Variants in DAP observed in about 807,000 individuals in gnomAD.
The protein encoded by DAP is death-associated protein 1.
A neutral mutation model predicts 13.8 loss-of-function variants in DAP; 8 were observed. The ratio of observed to expected loss-of-function variants is 0.58; its 90% CI spans 0.34 to 1.05. The LOEUF (loss-of-function observed/expected upper bound fraction) is 1.05, where lower values mean the gene tolerates loss of function less well. Among genes scored for constraint, DAP ranks in the 50% least tolerant of loss-of-function variants. The probability of loss-of-function intolerance (pLI) is 0.03; values close to 1 mark genes in which losing one functional copy is unlikely to be tolerated. For synonymous variants in DAP, 47 were observed against 47.5 expected, an observed-to-expected ratio of 0.99 and a Z score of 0.04; for missense variants, 106 against 133.2, an observed-to-expected ratio of 0.80 and a Z score of 1.01.
rs1417446723 is a variant in DAP, at chr5:10,748,291, T to C, written c.56-20A>G. The C allele has an allele frequency of 1.2e-6, 2 of 1,607,366 alleles. No individual in the cohort carries two copies. Among genetic ancestry groups the C allele is most frequent in the African/African-American group, 1.3e-5 (1 of 74,552 alleles). ...CTTTCACTGAAATGAAAACAGAGAG[T>C]GTGGGATTAATGTGGAAATGGGGCT... On this transcript the variant is annotated intron_variant, in intron 1 of 3. Coordinates refer to ENST00000230895, the MANE Select transcript of DAP (RefSeq NM_004394.3).
At chr5:10,704,671 A>C (rs1218680831) in intron 2 of DAP, among the ~76,000 whole-genome samples, 5 of 152,178 alleles carry the variant, frequency 3.3e-5, no homozygotes, top group Admixed American at 6.5e-5. Context: ...AATTTTCCCC[A>C]AATTGTATCT....
chr5:10,680,662 A>G lies in DAP; in HGVS notation c.*394T>C, dbSNP rs1373299321. On this transcript the variant is annotated 3_prime_UTR_variant, in exon 4 of 4. Transcript: ENST00000230895. ...GAGATTTTATTGGCCCATACTAAAAAGCATGCAATGACTGAGGTTTTCTCC... is the reference window on the plus strand; with the variant it reads ...GAGATTTTATTGGCCCATACTAAAAGGCATGCAATGACTGAGGTTTTCTCC... The G allele has an allele frequency of 1.5e-6, 2 of 1,365,996 alleles. No individual in the cohort carries two copies. Among genetic ancestry groups the G allele is most frequent in the Non-Finnish European group, 2.0e-6 (2 of 1,006,376 alleles). 84.6% of individuals were successfully genotyped at this position (1,365,996 alleles called of 1,614,324 possible).
In DAP at chr5:10,753,507, C is replaced by T. The variant is rs577302483; in HGVS notation, c.56-5236G>A. Among the ~76,000 whole-genome samples, 25 of 152,360 alleles carry T rather than the reference C, an allele frequency of 1.6e-4. No individual in the cohort carries two copies. The East Asian group carries it at 3.9e-3, about 23-fold the overall frequency. ...AGGGGAGTGGAGGAAGCTTTACCTACGGTCACATCTGGGAGGTAAGCAAAC... is the reference window on the plus strand; with the variant it reads ...AGGGGAGTGGAGGAAGCTTTACCTATGGTCACATCTGGGAGGTAAGCAAAC... On this transcript the variant is annotated intron_variant, in intron 1 of 3. Transcript: ENST00000230895.
chr5:10,737,238 C>A (rs575849098), intron 2 of DAP, among the ~76,000 whole-genome samples: 17 of 151,294 alleles, frequency 1.1e-4, no homozygotes, highest in Admixed American at 1.3e-4. Context: ...CCCAGCTACT[C>A]GGGAGGCTGA....
rs147507510 is a variant in DAP, at chr5:10,761,231, C to T, written c.-163G>A. On this transcript the variant is annotated 5_prime_UTR_variant, in exon 1 of 4. Transcript: ENST00000230895. ...GCGCGAGCCGGGTGAGTGCCACTGC[C>T]GTTAAGGGGGCGCGGCCGCCGCGCG... The T allele has an allele frequency of 4.5e-6, 1 of 221,904 alleles. No homozygotes were observed. The highest frequency in any genetic ancestry group is 8.4e-6 in the Non-Finnish European group (1 of 118,606). The allele number at this position is 221,904 out of a possible 1,614,324, so 13.7% of individuals were successfully genotyped here. A position where few individuals can be genotyped will look rare whatever the true frequency, so the allele number is the denominator to read the frequency against.
At chr5:10,729,296 T>C (rs1739377033) in intron 2 of DAP, among the ~76,000 whole-genome samples, 1 of 152,198 alleles carries the variant, frequency 6.6e-6, no homozygotes, top group Non-Finnish European at 1.5e-5. Context: ...ACAAACTTTA[T>C]ACCCCACCAC....
chr5:10,680,455 T>G lies in DAP; in HGVS notation c.*601A>C, dbSNP rs542310040. On this transcript the variant is annotated 3_prime_UTR_variant, in exon 4 of 4. Coordinates refer to ENST00000230895, the MANE Select transcript of DAP (RefSeq NM_004394.3). ...TTCTTTGGCATGTTGACTCCTGGAA[T>G]TGAGGGGCTATTTCTAAGATGCATG... The G allele has an allele frequency of 2.1e-6, 1 of 474,024 alleles. No individual in the cohort carries two copies. The allele number at this position is 474,024 out of a possible 1,614,324, so 29.4% of individuals were successfully genotyped here. A position where few individuals can be genotyped will look rare whatever the true frequency, so the allele number is the denominator to read the frequency against.
At chr5:10,691,994 G>A (rs1003395807) in intron 2 of DAP, among the ~76,000 whole-genome samples, 1 of 152,136 alleles carries the variant, frequency 6.6e-6, no homozygotes, top group Admixed American at 6.5e-5. Context: ...GCATTCTGTG[G>A]AAACTGCAGA....
At chr5:10,756,461 T>C (rs1025299352) in intron 1 of DAP, among the ~76,000 whole-genome samples, 1 of 152,240 alleles carries the variant, frequency 6.6e-6, no homozygotes, top group East Asian at 1.9e-4. Context: ...CCTTAACTCA[T>C]GTCTGACGTA....
At chr5:10,760,216 G>A (rs1318175598) in intron 1 of DAP, among the ~76,000 whole-genome samples, 1 of 152,190 alleles carries the variant, frequency 6.6e-6, no homozygotes, top group Non-Finnish European at 1.5e-5. Flanking sequence ...CTTGGCTTCT[G>A]AGACCCAAGG....
At chr5:10,728,813 T>TG (rs1180475433) in intron 2 of DAP, among the ~76,000 whole-genome samples, 6 of 151,922 alleles carry the variant, frequency 3.9e-5, no homozygotes, top group Non-Finnish European at 7.4e-5. Flanking sequence ...GTGAATGAAT[T>TG]GGGGGGAGAG....
intron 1 of DAP, among the ~76,000 whole-genome samples, chr5:10,750,924 T>TCAAGGCAGATTTCTCAGAAGAC (rs1428185583): frequency 1.3e-5 from 2 of 152,226 alleles, no homozygotes; most frequent in African/African-American, 4.8e-5. Flanking sequence ...AAAATCCTTT[T>TCAAGGCAGATTTCTCAGAAGAC]CAAGGCAGAT....
chr5:10,738,849 C>A (rs1739682003), intron 2 of DAP, among the ~76,000 whole-genome samples: 1 of 152,106 alleles, frequency 6.6e-6, no homozygotes, highest in Admixed American at 6.5e-5. Flanking sequence ...AAGAGCTCTT[C>A]AGAAGAAAGT....
chr5:10,728,457 A>G (rs774764928), intron 2 of DAP, among the ~76,000 whole-genome samples: 2 of 152,230 alleles, frequency 1.3e-5, no homozygotes, highest in South Asian at 4.1e-4. Context: ...CCTCTGATGG[A>G]CCAAGACTAT....
intron 2 of DAP, among the ~76,000 whole-genome samples, chr5:10,717,957 A>C (rs1466885203): frequency 6.6e-6 from 1 of 152,200 alleles, no homozygotes; most frequent in Non-Finnish European, 1.5e-5. Flanking sequence ...ACGGCTCCTC[A>C]ATCAATTTCC....
chr5:10,760,940 C>T (rs1202657390), intron 1 of DAP, 74 bp downstream of exon 1: 20 of 986,368 alleles, frequency 2.0e-5, no homozygotes, highest in African/African-American at 1.7e-5. Flanking sequence ...CCCCGCGGAG[C>T]CCCCGCCCGG....
intron 2 of DAP, 41 bp downstream of exon 2, chr5:10,748,133 GT>G: frequency 2.9e-6 from 4 of 1,397,720 alleles, no homozygotes; most frequent in East Asian, 2.3e-5. Flanking sequence ...ACCGAATAGG[GT>G]TTTTGGAAAA....
intron 1 of DAP, among the ~76,000 whole-genome samples, chr5:10,749,130 A>G (rs1297910155): frequency 6.6e-6 from 1 of 152,244 alleles, no homozygotes; most frequent in Non-Finnish European, 1.5e-5. Flanking sequence ...TCCATGTTAC[A>G]GCACGTGTAA....
chr5:10,737,734 A>G (rs764587089), intron 2 of DAP, among the ~76,000 whole-genome samples: 1 of 152,210 alleles, frequency 6.6e-6, no homozygotes, highest in East Asian at 1.9e-4. Context: ...GCTATAGATC[A>G]CCATTTGGCA....
Sources: allele counts gnomAD v4.1 joint callset (sites outside exome capture counted in the v4.1 genomes callset), GRCh38; gene constraint gnomAD v4.1.1; transcripts MANE v1.5; gene names NCBI Gene and HGNC (gene_info 2026-07-23, HGNC 2026-07-21).